Variants in FTO observed in about 807,000 individuals in gnomAD.
FTO encodes FTO alpha-ketoglutarate dependent dioxygenase, also known as alpha-ketoglutarate-dependent dioxygenase FTO.
Under a neutral mutation model 63.9 loss-of-function variants are expected in FTO, and 47 were observed. That is an observed-to-expected ratio of 0.74 (90% CI 0.58 to 0.94). The LOEUF is 0.94. Among genes scored for constraint, FTO ranks in the 40% least tolerant of loss-of-function variants. The pLI is 0.00. For missense variants in FTO, 562 were observed against 618.1 expected (o/e 0.91, Z 0.96); for synonymous variants, 207 against 224.4 (o/e 0.92, Z 0.69).
chr16:54,058,731 C>G (rs946848257), intron 8 of FTO, among the ~76,000 whole-genome samples: 5 of 152,268 alleles, frequency 3.3e-5, no homozygotes, highest in East Asian at 3.9e-4. Context: ...CTTTTCCCCC[C>G]ACCTCCTGTG....
chr16:53,840,877 G>T (rs966513091), intron 3 of FTO, among the ~76,000 whole-genome samples: 1 of 151,904 alleles, frequency 6.6e-6, no homozygotes, highest in Admixed American at 6.6e-5. Context: ...TGTAATTCAA[G>T]GGTAGCTGGG....
Position 53,805,929 on chromosome 16 carries a change from G to T in FTO, c.46-4211G>T, listed in dbSNP as rs540604508. On this transcript the variant is annotated intron_variant, in intron 1 of 8. Coordinates refer to ENST00000471389, the MANE Select transcript of FTO (RefSeq NM_001080432.3). ...GAGCAGCTTGATGTATTTGACACAA[G>T]TGTGACAGCAAAGAAGTGTGTGAGC... Among the ~76,000 whole-genome samples, 10 of 152,312 alleles carry T rather than the reference G, an allele frequency of 6.6e-5. No homozygotes were observed. In the East Asian group the frequency reaches 1.9e-3, roughly 29 times the overall value.
intron 6 of FTO, among the ~76,000 whole-genome samples, chr16:53,882,995 C>G (rs374463651): frequency 5.3e-5 from 8 of 152,144 alleles, no homozygotes; most frequent in African/African-American, 1.9e-4. Context: ...CTTATTAGTC[C>G]CTGCTGGAGA....
At chr16:53,752,959 T>TA (rs905374761) in intron 1 of FTO, among the ~76,000 whole-genome samples, 11 of 149,154 alleles carry the variant, frequency 7.4e-5, no homozygotes, top group South Asian at 4.2e-4. Context: ...TTGAGGGCTT[T>TA]AAAAAAAAAC....
intron 8 of FTO, among the ~76,000 whole-genome samples, chr16:54,099,026 G>C (rs1049469828): frequency 5.3e-5 from 8 of 152,206 alleles, no homozygotes; most frequent in Non-Finnish European, 1.0e-4. Flanking sequence ...CAACAGGGAA[G>C]TCATGAGATT....
intron 7 of FTO, chr16:53,911,448 C>T (rs1337175245): frequency 7.1e-6 from 5 of 702,844 alleles, no homozygotes; most frequent in Non-Finnish European, 1.3e-5. Flanking sequence ...AGTGGCCATA[C>T]CGTTGCATTC....
At chr16:53,768,266 T>C (rs1300193278) in intron 1 of FTO, among the ~76,000 whole-genome samples, 1 of 152,262 alleles carries the variant, frequency 6.6e-6, no homozygotes, top group Non-Finnish European at 1.5e-5. Flanking sequence ...ATATGAATTT[T>C]GACCATTTGC....
chr16:54,088,112 C>G (rs942941745), intron 8 of FTO, among the ~76,000 whole-genome samples: 3 of 152,152 alleles, frequency 2.0e-5, no homozygotes, highest in Non-Finnish European at 2.9e-5. Flanking sequence ...ACCACTGCTT[C>G]CAAACATAGA....
At position 53,810,121 on chromosome 16, in the gene FTO, A is replaced by G; in HGVS notation, c.46-19A>G. ...GGTTATTGCATATTCACTTATATGT[A>G]ATTATTATTTTCAAACAGAAACTGA... is the stretch of plus-strand genomic sequence containing the variant. On this transcript the variant is annotated intron_variant, in intron 1 of 8. Transcript: ENST00000471389. The G allele has an allele frequency of 6.4e-7, 1 of 1,552,446 alleles. No individual in the cohort carries two copies. The highest frequency in any genetic ancestry group is 8.9e-7 in the Non-Finnish European group (1 of 1,124,680).
intron 7 of FTO, among the ~76,000 whole-genome samples, chr16:53,890,055 GGCTGCCTCT>G (rs1489367895): frequency 6.6e-6 from 1 of 152,096 alleles, no homozygotes; most frequent in Non-Finnish European, 1.5e-5. Context: ...AACTCTAGAA[GGCTGCCTCT>G]GGGGTCCTTG....
intron 8 of FTO, among the ~76,000 whole-genome samples, chr16:54,057,106 G>C (rs2085454102): frequency 6.6e-6 from 1 of 152,178 alleles, no homozygotes; most frequent in Non-Finnish European, 1.5e-5. Flanking sequence ...ATACAAAGGA[G>C]GAAGCTGGAG....
rs111584700 is a variant in FTO, at chr16:53,739,968, G to T, written c.45+35739G>T. Among the ~76,000 whole-genome samples the T allele has an allele frequency of 1.7e-3, 264 of 152,290 alleles. 2 individuals carry two copies. The highest frequency in any genetic ancestry group is 3.1e-3 in the Non-Finnish European group (214 of 68,018). On this transcript the variant is annotated intron_variant, in intron 1 of 8. Coordinates refer to ENST00000471389, the MANE Select transcript of FTO (RefSeq NM_001080432.3). Reference sequence around the variant, plus strand: ...ATCTATAGAGGGAACAAGAATAGAAGTACCACGAGGCAAACTGGAAGTCAC... The same window carrying T: ...ATCTATAGAGGGAACAAGAATAGAATTACCACGAGGCAAACTGGAAGTCAC...
intron 1 of FTO, among the ~76,000 whole-genome samples, chr16:53,781,715 CT>C (rs1398934624): frequency 6.6e-6 from 1 of 152,186 alleles, no homozygotes; most frequent in African/African-American, 2.4e-5. Flanking sequence ...AAGTAATAGG[CT>C]TGAATTTGCT....
intron 1 of FTO, among the ~76,000 whole-genome samples, chr16:53,758,842 C>T (rs2076982326): frequency 1.3e-5 from 2 of 152,084 alleles, no homozygotes; most frequent in Admixed American, 6.5e-5. Flanking sequence ...AAAAAGGAAC[C>T]TTCACACTGT....
chr16:53,716,101 G>T (rs552733324), intron 1 of FTO, among the ~76,000 whole-genome samples: 5 of 151,990 alleles, frequency 3.3e-5, no homozygotes, highest in Non-Finnish European at 5.9e-5. Context: ...AGCCTCATTG[G>T]TTTTTTTTGC....
intron 8 of FTO, chr16:54,039,332 T>C (rs147090039): frequency 6.6e-6 from 1 of 152,396 alleles, no homozygotes; most frequent in African/African-American, 2.4e-5. Flanking sequence ...GTGCCTATAC[T>C]TCTCTGTTTC....
chr16:53,916,468 T>A (rs2081868243), intron 7 of FTO, among the ~76,000 whole-genome samples: 1 of 152,192 alleles, frequency 6.6e-6, no homozygotes, highest in East Asian at 1.9e-4. Flanking sequence ...GAGTTGGAAA[T>A]CTTGTTCCTA....
intron 8 of FTO, among the ~76,000 whole-genome samples, chr16:53,977,477 A>G (rs1417429265): frequency 1.3e-5 from 2 of 152,208 alleles, no homozygotes; most frequent in African/African-American, 2.4e-5. Context: ...GAACTCATTC[A>G]TTCCTAACAT....
chr16:53,892,156 G>T (rs568835137), intron 7 of FTO, among the ~76,000 whole-genome samples: 2 of 152,108 alleles, frequency 1.3e-5, no homozygotes, highest in African/African-American at 4.8e-5. Context: ...GGTTCTGTTC[G>T]TTTAGTACCA....
Sources: allele counts gnomAD v4.1 joint callset (sites outside exome capture counted in the v4.1 genomes callset), GRCh38; gene constraint gnomAD v4.1.1; transcripts MANE v1.5; gene names NCBI Gene and HGNC (gene_info 2026-07-23, HGNC 2026-07-21).